KCNIP1: variants seen among roughly 807,000 people sequenced by gnomAD.
KCNIP1 encodes potassium voltage-gated channel interacting protein 1.
KCNIP1 carries 18 observed loss-of-function variants against 33.0 expected under a neutral mutation model. The observed-to-expected ratio is 0.55, with a 90% CI of 0.38 to 0.81. The LOEUF is 0.81. Among genes scored for constraint, KCNIP1 ranks in the 30% least tolerant of loss-of-function variants. The pLI, the probability that KCNIP1 is intolerant of heterozygous loss-of-function variation, is 0.00. For missense variants in KCNIP1, 238 were observed against 271.6 expected (o/e 0.88, Z 0.87); for synonymous variants, 93 against 98.3 (o/e 0.95, Z 0.32).
intron 1 of KCNIP1, among the ~76,000 whole-genome samples, chr5:170,549,033 G>A (rs1756511914): frequency 6.6e-6 from 1 of 152,034 alleles, no homozygotes; most frequent in South Asian, 2.1e-4. Context: ...TGAGGGATGG[G>A]GGTCTCTGCT....
In KCNIP1 at chr5:170,385,551, G is replaced by A. The variant is rs575783213; in HGVS notation, c.88+31587G>A. 47 of 1,294,262 alleles carry A rather than the reference G, an allele frequency of 3.6e-5. No individual in the cohort carries two copies. The African/African-American group carries it at 6.3e-4, about 17-fold the overall frequency. 80.2% of individuals were successfully genotyped at this position (1,294,262 alleles called of 1,614,324 possible). ...CAGAAAGAGAGGACAGGTGAGAGGG[G>A]AAGGTACTCAACTATTAATATCACT... On this transcript the variant is annotated intron_variant, in intron 1 of 7. Coordinates refer to the KCNIP1 transcript ENST00000377360.
At chr5:170,735,019 A>T (rs1764332281) in intron 7 of KCNIP1, among the ~76,000 whole-genome samples, 1 of 152,136 alleles carries the variant, frequency 6.6e-6, no homozygotes, top group Admixed American at 6.5e-5. Context: ...TGAAACCCTC[A>T]CCAGATGCAG....
chr5:170,360,873 G>A (rs1041376581), intron 1 of KCNIP1, among the ~76,000 whole-genome samples: 4 of 152,206 alleles, frequency 2.6e-5, no homozygotes, highest in African/African-American at 4.8e-5. Context: ...TTTCCCTGCC[G>A]AGCAACATCA....
At chr5:170,461,283 A>G (rs1317246268) in intron 1 of KCNIP1, among the ~76,000 whole-genome samples, 2 of 152,196 alleles carry the variant, frequency 1.3e-5, no homozygotes, top group African/African-American at 4.8e-5. Context: ...TACTACTATC[A>G]TTCTTCACAG....
At chr5:170,534,504 GAGGAGAAGGAGA>G (rs146192920) in intron 1 of KCNIP1, among the ~76,000 whole-genome samples, 1 of 89,994 alleles carries the variant, frequency 1.1e-5, no homozygotes, top group Non-Finnish European at 2.1e-5. Flanking sequence ...GGAGGAGAAG[GAGGAGAAGGAGA>G]AGAAGGAGAA....
chr5:170,617,323 C>T (rs372069260), intron 1 of KCNIP1, among the ~76,000 whole-genome samples: 2 of 151,928 alleles, frequency 1.3e-5, no homozygotes, highest in African/African-American at 2.4e-5. Context: ...ACAAAAAGGC[C>T]GGATAAGCAA....
intron 1 of KCNIP1, among the ~76,000 whole-genome samples, chr5:170,434,812 G>A (rs370855601): frequency 1.3e-3 from 191 of 152,226 alleles, no homozygotes; most frequent in African/African-American, 3.9e-3. Flanking sequence ...AAAATCAGCC[G>A]GGCGTGGTGG....
chr5:170,661,659 T>A (rs894953744), intron 1 of KCNIP1, among the ~76,000 whole-genome samples: 1 of 152,156 alleles, frequency 6.6e-6, no homozygotes, highest in Non-Finnish European at 1.5e-5. Flanking sequence ...AAAAGACACA[T>A]GGGCTACTGC....
At chr5:170,594,348 C>T (rs1438424592) in intron 1 of KCNIP1, among the ~76,000 whole-genome samples, 1 of 152,086 alleles carries the variant, frequency 6.6e-6, no homozygotes, top group Non-Finnish European at 1.5e-5. Flanking sequence ...TATGTCTGTC[C>T]TCACCTTGGG....
intron 1 of KCNIP1, among the ~76,000 whole-genome samples, chr5:170,467,643 C>T (rs868797724): frequency 1.3e-5 from 2 of 152,096 alleles, no homozygotes; most frequent in South Asian, 2.1e-4. Context: ...ATAGGCTGGG[C>T]GCGGTGGCTC....
intron 1 of KCNIP1, among the ~76,000 whole-genome samples, chr5:170,698,734 A>G (rs1441656586): frequency 6.6e-6 from 1 of 152,174 alleles, no homozygotes; most frequent in Admixed American, 6.5e-5. Flanking sequence ...TTTCTTCAGA[A>G]GGTAGAAAAA....
chr5:170,551,488 C>T (rs538831305), intron 1 of KCNIP1, among the ~76,000 whole-genome samples: 2 of 152,356 alleles, frequency 1.3e-5, no homozygotes, highest in Non-Finnish European at 2.9e-5. Flanking sequence ...CTCCCAGGTT[C>T]TGTGTTGCCC....
At chr5:170,609,014 A>G (rs557681969) in intron 1 of KCNIP1, among the ~76,000 whole-genome samples, 1 of 152,144 alleles carries the variant, frequency 6.6e-6, no homozygotes, top group Admixed American at 6.5e-5. Context: ...CAACAGGGAG[A>G]TGTCTGTCTC....
intron 1 of KCNIP1, among the ~76,000 whole-genome samples, chr5:170,520,990 A>G (rs1246755148): frequency 6.6e-6 from 1 of 152,222 alleles, no homozygotes; most frequent in Non-Finnish European, 1.5e-5. Flanking sequence ...GTGGGGCTTA[A>G]TTGAGAAGGT....
chr5:170,614,256 A>G (rs1162855573), intron 1 of KCNIP1, among the ~76,000 whole-genome samples: 1 of 152,200 alleles, frequency 6.6e-6, no homozygotes, highest in Non-Finnish European at 1.5e-5. Context: ...GTTGGGAGAA[A>G]AGGAATGCTG....
rs549893669 is a variant in KCNIP1, at chr5:170,434,613, G to A, written c.88+80649G>A. 3.3e-5 allele frequency among the ~76,000 whole-genome samples: 5 copies of A among 151,786 alleles called. No individual in the cohort carries two copies. In the East Asian group the frequency reaches 9.7e-4, roughly 29 times the overall value. On this transcript the variant is annotated intron_variant, in intron 1 of 7. Coordinates refer to the KCNIP1 transcript ENST00000377360. ...CAGCAGCCAGGGACCTGGGTTGACT[G>A]GGGGACGGGTCGGTGGGTGGGGTGA...
chr5:170,456,156 G>T (rs1019993033), intron 1 of KCNIP1, among the ~76,000 whole-genome samples: 2 of 152,152 alleles, frequency 1.3e-5, no homozygotes, highest in African/African-American at 4.8e-5. Context: ...TATGTCCTTT[G>T]CAGGGACATA....
At chr5:170,709,895 T>G (rs1763386963) in intron 1 of KCNIP1, among the ~76,000 whole-genome samples, 1 of 152,166 alleles carries the variant, frequency 6.6e-6, no homozygotes, top group African/African-American at 2.4e-5. Flanking sequence ...TGAGATGGAA[T>G]CTCACTTTGT....
At chr5:170,714,726 G>C (rs1745958017) in intron 1 of KCNIP1, among the ~76,000 whole-genome samples, 3 of 151,902 alleles carry the variant, frequency 2.0e-5, no homozygotes, top group Non-Finnish European at 4.4e-5. Flanking sequence ...TTTTTAAATA[G>C]AGAAAAAGCT....
Sources: allele counts gnomAD v4.1 joint callset (sites outside exome capture counted in the v4.1 genomes callset), GRCh38; gene constraint gnomAD v4.1.1; transcripts MANE v1.5; gene names NCBI Gene and HGNC (gene_info 2026-07-23, HGNC 2026-07-21).